Variants in LINGO2 observed in about 807,000 individuals in gnomAD.
LINGO2 encodes leucine-rich repeat and immunoglobulin-like domain-containing nogo receptor-interacting protein 2.
LINGO2 carries 14 observed loss-of-function variants against 30.6 expected under a neutral mutation model. That is an observed-to-expected ratio of 0.46 (90% CI 0.30 to 0.72). The LOEUF (loss-of-function observed/expected upper bound fraction) is 0.72, where lower values mean the gene tolerates loss of function less well. LINGO2 is among the 30% of genes least tolerant of loss of function. The pLI is 0.07. For synonymous variants in LINGO2, 317 were observed against 288.5 expected (o/e 1.10, Z -1.00); for missense variants, 729 against 751.7 (o/e 0.97, Z 0.35).
At chr9:28,628,262 G>C (rs1401254311) in intron 1 of LINGO2, among the ~76,000 whole-genome samples, 2 of 151,968 alleles carry the variant, frequency 1.3e-5, no homozygotes, top group Admixed American at 1.3e-4. Flanking sequence ...CCTTCCTTTT[G>C]TAGAAAGCTG....
At chr9:28,029,349 C>A (rs1214117043) in intron 4 of LINGO2, among the ~76,000 whole-genome samples, 2 of 152,134 alleles carry the variant, frequency 1.3e-5, no homozygotes, top group East Asian at 3.9e-4. Flanking sequence ...TGCGTTTGAT[C>A]TGTGGCCAAT....
chr9:29,175,617 C>T, the LINGO2 span, among the ~76,000 whole-genome samples: 5 of 150,710 alleles, frequency 3.3e-5, no homozygotes, highest in Non-Finnish European at 2.9e-5. Context: ...ACCTCCACGT[C>T]CCGGGTTCAA....
intron 1 of LINGO2, among the ~76,000 whole-genome samples, chr9:28,495,996 C>A (rs1819609517): frequency 6.6e-6 from 1 of 151,996 alleles, no homozygotes; most frequent in Non-Finnish European, 1.5e-5. Context: ...AACCTGAGTT[C>A]TAGTTTGATT....
the LINGO2 span, among the ~76,000 whole-genome samples, chr9:28,892,680 G>T: frequency 6.6e-6 from 1 of 151,864 alleles, no homozygotes; most frequent in Non-Finnish European, 1.5e-5. Context: ...CTTGGCATAA[G>T]AAACAGCAAT....
chr9:28,861,212 A>G, the LINGO2 span, among the ~76,000 whole-genome samples: 1 of 115,702 alleles, frequency 8.6e-6, no homozygotes, highest in African/African-American at 3.5e-5. Context: ...TATATTTTTT[A>G]TATAATATTA....
chr9:28,826,202 T>C, the LINGO2 span, among the ~76,000 whole-genome samples: 1 of 152,164 alleles, frequency 6.6e-6, no homozygotes. Context: ...TCTCTGCCCA[T>C]TGTTAACTTA....
chr9:29,131,003 G>C, the LINGO2 span, among the ~76,000 whole-genome samples: 2 of 152,098 alleles, frequency 1.3e-5, no homozygotes, highest in Non-Finnish European at 2.9e-5. Context: ...ACAGCCCAAA[G>C]ATAAGTTAAT....
At chr9:28,810,614 T>G in the LINGO2 span, among the ~76,000 whole-genome samples, 1 of 152,100 alleles carries the variant, frequency 6.6e-6, no homozygotes, top group Admixed American at 6.5e-5. Flanking sequence ...TCACTTTATA[T>G]TTGAATAAAA....
chr9:29,019,483 G>C, the LINGO2 span, among the ~76,000 whole-genome samples: 1 of 152,142 alleles, frequency 6.6e-6, no homozygotes, highest in Non-Finnish European at 1.5e-5. Context: ...AGGTGACCAA[G>C]GGTTGCACTA....
chr9:27,979,213 A>AGGAG (rs1430215432), intron 5 of LINGO2, among the ~76,000 whole-genome samples: 1 of 152,038 alleles, frequency 6.6e-6, no homozygotes, highest in Non-Finnish European at 1.5e-5. Context: ...CTCACAAGGA[A>AGGAG]GGAGGATCAG....
the LINGO2 span, among the ~76,000 whole-genome samples, chr9:29,181,126 G>T: frequency 6.6e-6 from 1 of 152,200 alleles, no homozygotes; most frequent in Non-Finnish European, 1.5e-5. Flanking sequence ...GTAATAGAAA[G>T]AATGAGTTTG....
At chr9:28,187,344 C>T (rs1564026996) in intron 4 of LINGO2, among the ~76,000 whole-genome samples, 1 of 151,818 alleles carries the variant, frequency 6.6e-6, no homozygotes. Flanking sequence ...ACAAAAATCA[C>T]CTGAGCATGG....
chr9:28,921,261 T>G, the LINGO2 span, among the ~76,000 whole-genome samples: 1 of 152,134 alleles, frequency 6.6e-6, no homozygotes, highest in African/African-American at 2.4e-5. Context: ...CCAGAATCTA[T>G]TCATATTTCA....
intron 2 of LINGO2, among the ~76,000 whole-genome samples, chr9:28,375,134 ATACAC>A (rs879571837): frequency 0.027 from 2,667 of 98,356 alleles, 34 homozygotes; most frequent in Non-Finnish European, 0.041. Context: ...ACACACACAC[ATACAC>A]CCCACACTAA....
chr9:28,838,671 AT>A, the LINGO2 span, among the ~76,000 whole-genome samples: 4 of 152,136 alleles, frequency 2.6e-5, no homozygotes, highest in African/African-American at 9.7e-5. Context: ...TACAGGACAT[AT>A]TCTCACAGGA....
the LINGO2 span, among the ~76,000 whole-genome samples, chr9:28,699,191 G>C: frequency 8.3e-3 from 1,255 of 152,040 alleles, 25 homozygotes; most frequent in African/African-American, 0.029. Context: ...TTTTCTGTTG[G>C]TGTTGACAAT....
At chr9:29,130,578 T>C in the LINGO2 span, among the ~76,000 whole-genome samples, 59 of 152,200 alleles carry the variant, frequency 3.9e-4, no homozygotes, top group African/African-American at 1.4e-3. Context: ...TCATATGAAA[T>C]CTTACACAAA....
At chr9:28,668,885 C>T (rs1828906589) in intron 1 of LINGO2, among the ~76,000 whole-genome samples, 1 of 151,994 alleles carries the variant, frequency 6.6e-6, no homozygotes, top group South Asian at 2.1e-4. Context: ...ATTCTTTTCA[C>T]AAGATTGTCA....
chr9:28,125,673 A>T (rs182931754), intron 4 of LINGO2, among the ~76,000 whole-genome samples: 2 of 152,124 alleles, frequency 1.3e-5, no homozygotes, highest in Admixed American at 1.3e-4. Context: ...CAAGACCAGA[A>T]CTCAGGGGAA....
Sources: allele counts gnomAD v4.1 joint callset (sites outside exome capture counted in the v4.1 genomes callset), GRCh38; gene constraint gnomAD v4.1.1; transcripts MANE v1.5; gene names NCBI Gene and HGNC (gene_info 2026-07-23, HGNC 2026-07-21).